EFNA5: variants seen among roughly 807,000 people sequenced by gnomAD.
EFNA5 encodes the protein ephrin-A5.
In EFNA5, 5 loss-of-function variants were observed where a neutral mutation model predicts 22.9. The observed-to-expected ratio is 0.22, with a 90% confidence interval of 0.11 to 0.46. The LOEUF (loss-of-function observed/expected upper bound fraction) is 0.46, where lower values mean the gene tolerates loss of function less well. Ranked by LOEUF, EFNA5 falls within the 20% of genes least tolerant of loss-of-function variation. EFNA5 has a pLI of 0.99. For synonymous variants in EFNA5, 113 were observed against 112.2 expected, an observed-to-expected ratio of 1.01 and a Z score of -0.04; for missense variants, 237 against 293.3, an observed-to-expected ratio of 0.81 and a Z score of 1.40.
intron 1 of EFNA5, among the ~76,000 whole-genome samples, chr5:107,528,233 C>A (rs1348430965): frequency 6.6e-6 from 1 of 152,176 alleles, no homozygotes; most frequent in East Asian, 1.9e-4. Context: ...CCATCTTCAT[C>A]CCCAGAGCTT....
At chr5:107,542,061 CACG>C (rs1184852846) in intron 1 of EFNA5, among the ~76,000 whole-genome samples, 2 of 152,080 alleles carry the variant, frequency 1.3e-5, no homozygotes, top group East Asian at 3.8e-4. Flanking sequence ...CAAAACAAAT[CACG>C]ACATTTTGTT....
At chr5:107,654,868 G>T (rs904296891) in intron 1 of EFNA5, among the ~76,000 whole-genome samples, 36 of 152,038 alleles carry the variant, frequency 2.4e-4, no homozygotes, top group Middle Eastern at 3.2e-3. Flanking sequence ...ACTGGAATCT[G>T]TTCAGCTCTA....
At chr5:107,613,510 C>G (rs1440428371) in intron 1 of EFNA5, among the ~76,000 whole-genome samples, 1 of 152,016 alleles carries the variant, frequency 6.6e-6, no homozygotes, top group Non-Finnish European at 1.5e-5. Context: ...CTTCTGTTCT[C>G]TCTCCATTTC....
intron 1 of EFNA5, among the ~76,000 whole-genome samples, chr5:107,487,114 T>G (rs563415180): frequency 1.3e-5 from 2 of 152,320 alleles, no homozygotes; most frequent in South Asian, 4.2e-4. Flanking sequence ...CCCAATGTTA[T>G]TTTTGCCCAC....
chr5:107,427,365 G>A lies in EFNA5; in HGVS notation c.270C>T (p.Cys90=), dbSNP rs140584205. The A allele has an allele frequency of 8.8e-5, 142 of 1,614,096 alleles. No homozygotes were observed. Among genetic ancestry groups the A allele is most frequent in the African/African-American group, 3.9e-4 (29 of 75,026 alleles). ...YMVNFDGYSA[C]DHTSKGFKRW... is the part of the protein sequence containing the mutation. ...TCTTGAACCCTTTGGAAGTGTGGTC[G>A]CAGGCACTGTAGCCATCAAAGTTCA... Residue 90 remains cysteine (C), a synonymous_variant, in exon 2 of 5, where the codon TGC becomes TGT. Coordinates refer to ENST00000333274, the MANE Select transcript of EFNA5 (RefSeq NM_001962.3).
chr5:107,643,047 A>G (rs950899916), intron 1 of EFNA5, among the ~76,000 whole-genome samples: 2 of 152,118 alleles, frequency 1.3e-5, no homozygotes, highest in African/African-American at 2.4e-5. Flanking sequence ...ATATATTGAG[A>G]CAAATCAGTA....
intron 1 of EFNA5, among the ~76,000 whole-genome samples, chr5:107,574,433 A>G (rs562056579): frequency 6.6e-6 from 1 of 152,332 alleles, no homozygotes; most frequent in East Asian, 1.9e-4. Context: ...TATGCCATTA[A>G]TATGAAAAGA....
chr5:107,457,758 A>C (rs1243125703), intron 1 of EFNA5, among the ~76,000 whole-genome samples: 1 of 152,184 alleles, frequency 6.6e-6, no homozygotes, highest in Non-Finnish European at 1.5e-5. Flanking sequence ...GCTCTGTACT[A>C]TCTGCTCAAT....
intron 1 of EFNA5, among the ~76,000 whole-genome samples, chr5:107,484,430 A>G (rs941183400): frequency 6.6e-6 from 1 of 152,196 alleles, no homozygotes; most frequent in African/African-American, 2.4e-5. Context: ...CTGATTCAGA[A>G]CTAACATGGA....
intron 1 of EFNA5, among the ~76,000 whole-genome samples, chr5:107,566,026 C>T (rs1748659896): frequency 6.6e-6 from 1 of 152,134 alleles, no homozygotes; most frequent in South Asian, 2.1e-4. Context: ...CACTTTGACC[C>T]CCAACCCTGT....
At chr5:107,437,244 T>C (rs1292421073) in intron 1 of EFNA5, among the ~76,000 whole-genome samples, 1 of 152,240 alleles carries the variant, frequency 6.6e-6, no homozygotes. Flanking sequence ...GGGAAGCATA[T>C]ATTTGGTAAT....
intron 4 of EFNA5, among the ~76,000 whole-genome samples, chr5:107,385,665 T>C (rs1043516346): frequency 3.9e-5 from 6 of 152,128 alleles, no homozygotes; most frequent in African/African-American, 1.4e-4. Context: ...TCCTCAGCCA[T>C]AGAAGGAAGA....
chr5:107,471,503 G>A (rs1750140356), intron 1 of EFNA5, among the ~76,000 whole-genome samples: 1 of 152,082 alleles, frequency 6.6e-6, no homozygotes, highest in African/African-American at 2.4e-5. Flanking sequence ...TATATTCCTT[G>A]GCATTGATAA....
intron 1 of EFNA5, among the ~76,000 whole-genome samples, chr5:107,495,355 C>T (rs1746948389): frequency 1.3e-5 from 2 of 152,026 alleles, no homozygotes; most frequent in Admixed American, 6.6e-5. Context: ...CCTGAGCTAG[C>T]GAGACCACGA....
intron 1 of EFNA5, among the ~76,000 whole-genome samples, chr5:107,523,147 T>C (rs1017096946): frequency 2.0e-4 from 30 of 152,192 alleles, no homozygotes; most frequent in African/African-American, 6.8e-4. Flanking sequence ...CCAGACAATA[T>C]TTCTCCTCTT....
chr5:107,450,549 T>A (rs780595637), intron 1 of EFNA5, among the ~76,000 whole-genome samples: 1 of 152,244 alleles, frequency 6.6e-6, no homozygotes, highest in African/African-American at 2.4e-5. Flanking sequence ...GTAACTCCAA[T>A]GTTTTTTCTA....
At chr5:107,629,377 T>C (rs935913313) in intron 1 of EFNA5, among the ~76,000 whole-genome samples, 2 of 152,088 alleles carry the variant, frequency 1.3e-5, no homozygotes, top group African/African-American at 4.8e-5. Context: ...ACACACACAT[T>C]GCATTTTGGG....
chr5:107,642,675 T>C (rs1269994908), intron 1 of EFNA5, among the ~76,000 whole-genome samples: 1 of 152,082 alleles, frequency 6.6e-6, no homozygotes, highest in Non-Finnish European at 1.5e-5. Context: ...GAAACCAAGA[T>C]GGTAGAAGAT....
At chr5:107,433,843 G>A (rs369343336) in intron 1 of EFNA5, among the ~76,000 whole-genome samples, 1 of 151,424 alleles carries the variant, frequency 6.6e-6, no homozygotes, top group Non-Finnish European at 1.5e-5. Context: ...AGAGGTTGTA[G>A]TGAACCGAGA....
Sources: gnomAD v4.1 joint callset for allele counts (sites outside exome capture counted in the v4.1 genomes callset) on GRCh38, gnomAD v4.1.1 for gene constraint, MANE v1.5 for transcripts, NCBI Gene and HGNC (gene_info 2026-07-23, HGNC 2026-07-21) for gene names.